The following CPPED1 variants were observed in gnomAD, a reference collection of about 807,000 sequenced individuals.
CPPED1 encodes the protein calcineurin like phosphoesterase domain containing 1.
A neutral mutation model predicts 28.0 loss-of-function variants in CPPED1; 28 were observed. The observed-to-expected ratio is 1.00, with a 90% CI of 0.74 to 1.37. The LOEUF (loss-of-function observed/expected upper bound fraction) is 1.37, where lower values mean the gene tolerates loss of function less well. Ranked by LOEUF, CPPED1 falls within the 40% of genes most tolerant of loss-of-function variation. The pLI is 0.00. For synonymous variants in CPPED1, 198 were observed against 180.2 expected, an observed-to-expected ratio of 1.10 and a Z score of -0.79; for missense variants, 504 against 416.5, an observed-to-expected ratio of 1.21 and a Z score of -1.83.
At chr16:12,779,352 G>A (rs766030860) in intron 2 of CPPED1, among the ~76,000 whole-genome samples, 4 of 151,832 alleles carry the variant, frequency 2.6e-5, no homozygotes, top group Non-Finnish European at 5.9e-5. Flanking sequence ...CTCAGTAGCT[G>A]GGACTACAGG....
intron 2 of CPPED1, among the ~76,000 whole-genome samples, chr16:12,726,975 G>C (rs2080173351): frequency 6.6e-6 from 1 of 152,096 alleles, no homozygotes; most frequent in Non-Finnish European, 1.5e-5. Flanking sequence ...TGCACATGAG[G>C]CTTATGCCAG....
chr16:12,662,193 T>G lies in CPPED1; in HGVS notation c.*2693A>C, dbSNP rs1181527193. 6.6e-6 allele frequency: 1 copy of G among 152,210 alleles called. No individual in the cohort carries two copies. Among genetic ancestry groups the G allele is most frequent in the Non-Finnish European group, 1.5e-5 (1 of 68,034 alleles). The allele number at this position is 152,210 out of a possible 1,614,324, so 9.4% of individuals were successfully genotyped here. A position where few individuals can be genotyped will look rare whatever the true frequency, so the allele number is the denominator to read the frequency against. On this transcript the variant is annotated 3_prime_UTR_variant, in exon 4 of 4. Coordinates refer to ENST00000381774, the MANE Select transcript of CPPED1 (RefSeq NM_018340.3). ...GTTTTTCACAGTATAAGGCACTTAT[T>G]TTTTGATATCATTCTCTTTTTTTAA...
At chr16:12,689,040 A>G (rs2079948420) in intron 3 of CPPED1, among the ~76,000 whole-genome samples, 1 of 152,156 alleles carries the variant, frequency 6.6e-6, no homozygotes, top group Non-Finnish European at 1.5e-5. Context: ...ATGTATGACA[A>G]AGAACAAGTG....
intron 3 of CPPED1, among the ~76,000 whole-genome samples, chr16:12,668,357 G>T (rs2079836624): frequency 6.6e-6 from 1 of 152,114 alleles, no homozygotes; most frequent in Non-Finnish European, 1.5e-5. Flanking sequence ...AAGGAGTTTG[G>T]TGGAAACTTA....
At position 12,723,968 on chromosome 16, in the gene CPPED1, CCAT is replaced by C. The variant is rs556276137; in HGVS notation, c.290-18922_290-18920del. On this transcript the variant is annotated intron_variant, in intron 2 of 3. Coordinates refer to ENST00000381774, the MANE Select transcript of CPPED1 (RefSeq NM_018340.3). Reference sequence around the variant, plus strand: ...CTGCCACCCTCATACCCAGCCACCACCATGTCTTGGGGATCACACTTCCCAAAC... The same window carrying C: ...CTGCCACCCTCATACCCAGCCACCACGTCTTGGGGATCACACTTCCCAAAC... Among the ~76,000 whole-genome samples, 299 of 152,280 alleles carry C rather than the reference CCAT, an allele frequency of 2.0e-3. 1 individual carries two copies. Among genetic ancestry groups the C allele is most frequent in the Non-Finnish European group, 3.2e-3 (219 of 68,018 alleles).
chr16:12,676,427 T>C lies in CPPED1; in HGVS notation c.716-11312A>G, dbSNP rs553655106. On this transcript the variant is annotated intron_variant, in intron 3 of 3. Coordinates refer to ENST00000381774, the MANE Select transcript of CPPED1 (RefSeq NM_018340.3). ...TTCGCTGGACATCTACGACCTGCAT[T>C]TTGCACCTGCATCATCTCACTCAAG... Among the ~76,000 whole-genome samples, 8 of 152,210 alleles carry C rather than the reference T, an allele frequency of 5.3e-5. No homozygotes were observed. In the South Asian group the frequency reaches 1.7e-3, roughly 32 times the overall value.
intron 2 of CPPED1, among the ~76,000 whole-genome samples, chr16:12,768,202 G>A (rs1008040250): frequency 2.0e-5 from 3 of 152,102 alleles, no homozygotes; most frequent in African/African-American, 7.2e-5. Context: ...CTTCCTATAT[G>A]AACTTTTATT....
At chr16:12,691,922 C>T (rs925179477) in intron 3 of CPPED1, among the ~76,000 whole-genome samples, 8 of 151,552 alleles carry the variant, frequency 5.3e-5, no homozygotes, top group African/African-American at 1.5e-4. Flanking sequence ...ATGTAACAAA[C>T]CTGCACATTG....
intron 2 of CPPED1, among the ~76,000 whole-genome samples, chr16:12,707,848 G>A (rs1394731294): frequency 1.3e-5 from 2 of 152,052 alleles, no homozygotes; most frequent in Admixed American, 1.3e-4. Context: ...ATTTCCTTCA[G>A]CAAAAATGAG....
intron 2 of CPPED1, among the ~76,000 whole-genome samples, chr16:12,759,903 C>A (rs914359405): frequency 1.3e-5 from 2 of 152,168 alleles, no homozygotes; most frequent in African/African-American, 2.4e-5. Flanking sequence ...CAGACTAATA[C>A]TGGGGCAAAC....
At chr16:12,745,685 G>A (rs1270586374) in intron 2 of CPPED1, among the ~76,000 whole-genome samples, 3 of 152,218 alleles carry the variant, frequency 2.0e-5, no homozygotes, top group Non-Finnish European at 2.9e-5. Context: ...GCGGGAGGGT[G>A]GGAGGAGAGA....
chr16:12,780,809 G>T (rs185198743), intron 2 of CPPED1, among the ~76,000 whole-genome samples: 1 of 151,944 alleles, frequency 6.6e-6, no homozygotes, highest in Non-Finnish European at 1.5e-5. Context: ...AACAAATAAG[G>T]GAGAAATAAA....
intron 2 of CPPED1, among the ~76,000 whole-genome samples, chr16:12,779,035 C>A (rs529852555): frequency 2.8e-4 from 43 of 152,190 alleles, no homozygotes; most frequent in African/African-American, 1.0e-3. Context: ...TAAAAAGCAA[C>A]ATAATTGCAT....
chr16:12,694,776 C>G (rs1019291056), intron 3 of CPPED1, among the ~76,000 whole-genome samples: 3 of 144,094 alleles, frequency 2.1e-5, no homozygotes. Flanking sequence ...TTTTTAAAAA[C>G]CCCCCCCTTT....
Position 12,760,803 on chromosome 16 carries a change from G to A in CPPED1, c.289+20382C>T, listed in dbSNP as rs531505719. ...ACAAAGAGAAGCAATTCCCAGGCCAGGATCATCCTACTAACCCAAACCTGA... is the reference window on the plus strand; with the variant it reads ...ACAAAGAGAAGCAATTCCCAGGCCAAGATCATCCTACTAACCCAAACCTGA... On this transcript the variant is annotated intron_variant, in intron 2 of 3. Transcript: ENST00000381774. 4 of 152,312 alleles carry A rather than the reference G, an allele frequency of 2.6e-5. No individual in the cohort carries two copies. The South Asian group carries it at 6.2e-4, about 24-fold the overall frequency. The allele number at this position is 152,312 out of a possible 1,614,324, so 9.4% of individuals were successfully genotyped here.
At chr16:12,768,651 T>C (rs2080452711) in intron 2 of CPPED1, among the ~76,000 whole-genome samples, 1 of 152,184 alleles carries the variant, frequency 6.6e-6, no homozygotes, top group African/African-American at 2.4e-5. Flanking sequence ...CTGGGGTTCA[T>C]CCTGTGAACT....
At chr16:12,722,556 G>C (rs1301835769) in intron 2 of CPPED1, among the ~76,000 whole-genome samples, 1 of 152,206 alleles carries the variant, frequency 6.6e-6, no homozygotes, top group Non-Finnish European at 1.5e-5. Flanking sequence ...GGGCAACACG[G>C]CGAGACCCTG....
At chr16:12,686,862 A>G (rs989954559) in intron 3 of CPPED1, among the ~76,000 whole-genome samples, 61 of 152,130 alleles carry the variant, frequency 4.0e-4, no homozygotes, top group African/African-American at 1.4e-3. Context: ...AGTGCAGAAA[A>G]TGTAAAGTGG....
intron 2 of CPPED1, among the ~76,000 whole-genome samples, chr16:12,722,928 G>A (rs1041379882): frequency 6.6e-6 from 1 of 152,098 alleles, no homozygotes; most frequent in African/African-American, 2.4e-5. Context: ...AATGTGAAAT[G>A]AGCTGAGGGC....
Sources: gnomAD v4.1 joint callset for allele counts (sites outside exome capture counted in the v4.1 genomes callset) on GRCh38, gnomAD v4.1.1 for gene constraint, MANE v1.5 for transcripts, NCBI Gene and HGNC (gene_info 2026-07-23, HGNC 2026-07-21) for gene names.